Variants in CACNA1D observed in about 807,000 individuals in gnomAD.
CACNA1D encodes the protein calcium voltage-gated channel subunit alpha1 D, also known as voltage-dependent L-type calcium channel subunit alpha-1D.
In CACNA1D, 55 loss-of-function variants were observed where a neutral mutation model predicts 257.1. The ratio of observed to expected loss-of-function variants is 0.21; its 90% CI spans 0.17 to 0.27. CACNA1D has a LOEUF of 0.27. CACNA1D is among the 10% of genes least tolerant of loss of function. The pLI, the probability that CACNA1D is intolerant of heterozygous loss-of-function variation, is 1.00. For synonymous variants in CACNA1D, 980 were observed against 1,014.9 expected, an observed-to-expected ratio of 0.97 and a Z score of 0.65; for missense variants, 1,876 against 2,784.0, an observed-to-expected ratio of 0.67 and a Z score of 7.34.
At chr3:53,667,636 T>C (rs1337378552) in intron 7 of CACNA1D, among the ~76,000 whole-genome samples, 1 of 152,240 alleles carries the variant, frequency 6.6e-6, no homozygotes, top group Non-Finnish European at 1.5e-5. Context: ...AAATAGGTTT[T>C]TGCTGCCCTT....
At chr3:53,564,932 G>C (rs2092807632) in intron 3 of CACNA1D, among the ~76,000 whole-genome samples, 1 of 152,122 alleles carries the variant, frequency 6.6e-6, no homozygotes, top group African/African-American at 2.4e-5. Flanking sequence ...TTTTTTGTTT[G>C]TTTGTTTTTG....
chr3:53,746,243 C>T (rs2095167987), intron 25 of CACNA1D, among the ~76,000 whole-genome samples: 1 of 152,134 alleles, frequency 6.6e-6, no homozygotes, highest in African/African-American at 2.4e-5. Flanking sequence ...AAATAGCTTC[C>T]ATGACAGCCA....
intron 9 of CACNA1D, among the ~76,000 whole-genome samples, chr3:53,716,355 C>T (rs558767780): frequency 3.9e-5 from 6 of 152,328 alleles, no homozygotes; most frequent in East Asian, 3.9e-4. Flanking sequence ...GTAACCACCA[C>T]GGAAAATGCC....
At chr3:53,565,241 G>T (rs2107657104) in intron 3 of CACNA1D, among the ~76,000 whole-genome samples, 1 of 152,168 alleles carries the variant, frequency 6.6e-6, no homozygotes, top group East Asian at 1.9e-4. Context: ...AGTAAGTCAA[G>T]TCCTTCCATC....
At chr3:53,738,665 G>A (rs563109377) in intron 20 of CACNA1D, among the ~76,000 whole-genome samples, 14 of 152,102 alleles carry the variant, frequency 9.2e-5, no homozygotes, top group Non-Finnish European at 1.9e-4. Flanking sequence ...AAATGTTACC[G>A]TTCTGCTTAA....
chr3:53,691,760 CATATA>C (rs2094524361), intron 8 of CACNA1D, among the ~76,000 whole-genome samples: 1 of 38,448 alleles, frequency 2.6e-5, no homozygotes, highest in East Asian at 5.5e-4. Context: ...ATATATATTA[CATATA>C]ATATATATAT....
chr3:53,520,859 T>TTTCTTTCC (rs1186319658), intron 3 of CACNA1D, among the ~76,000 whole-genome samples: 5 of 74,818 alleles, frequency 6.7e-5, no homozygotes, highest in African/African-American at 3.8e-4. Flanking sequence ...CCTTTCTTTC[T>TTTCTTTCC]TTCTTTCTTT....
Position 53,801,687 on chromosome 3 carries a change from C to T in CACNA1D, c.5408+262C>T, listed in dbSNP as rs142957022. On this transcript the variant is annotated intron_variant, in intron 42 of 47. Coordinates refer to ENST00000350061, the MANE Select transcript of CACNA1D (RefSeq NM_001128840.3). ...AGGGACCTTAAAACAGCAGCAGCCA[C>T]AAAATCCACCTCTCAATTGTGCTCA... Among the ~76,000 whole-genome samples, 504 of 152,326 alleles carry T rather than the reference C, an allele frequency of 3.3e-3. 7 individuals carry two copies. Among genetic ancestry groups the T allele is most frequent in the African/African-American group, 0.011 (469 of 41,566 alleles).
At chr3:53,591,659 C>T (rs1478452752) in intron 3 of CACNA1D, among the ~76,000 whole-genome samples, 1 of 152,124 alleles carries the variant, frequency 6.6e-6, no homozygotes, top group African/African-American at 2.4e-5. Flanking sequence ...TCGATTTGCC[C>T]TAGTAATTGG....
In CACNA1D at chr3:53,751,348, T is replaced by C. The variant is rs1187874326; in HGVS notation, c.3517-401T>C. On this transcript the variant is annotated intron_variant, in intron 27 of 47. Coordinates refer to ENST00000350061, the MANE Select transcript of CACNA1D (RefSeq NM_001128840.3). The surrounding 1 kb of genome is among the most constrained non-coding windows in gnomAD (Gnocchi z 4.3). ...ACAGGCAGGGGAACTATAGGTGTGATCCACCTATAGATCCCCCGTATGTGT... is the reference window on the plus strand; with the variant it reads ...ACAGGCAGGGGAACTATAGGTGTGACCCACCTATAGATCCCCCGTATGTGT... Among the ~76,000 whole-genome samples the C allele has an allele frequency of 6.6e-6, 1 of 152,210 alleles. No homozygotes were observed. The highest frequency in any genetic ancestry group is 2.4e-5 in the African/African-American group (1 of 41,450).
At chr3:53,717,587 T>A (rs2094833126) in intron 9 of CACNA1D, among the ~76,000 whole-genome samples, 1 of 152,228 alleles carries the variant, frequency 6.6e-6, no homozygotes, top group South Asian at 2.1e-4. Context: ...ACCCTAGTCA[T>A]ACTGAGACCA....
chr3:53,800,160 G>A lies in CACNA1D; in HGVS notation c.4924-89G>A, dbSNP rs993098849. 5.5e-5 allele frequency: 51 copies of A among 924,686 alleles called. No homozygotes were observed. Among genetic ancestry groups the A allele is most frequent in the Non-Finnish European group, 8.0e-5 (44 of 552,026 alleles). 57.3% of individuals were successfully genotyped at this position (924,686 alleles called of 1,614,324 possible). On this transcript the variant is annotated intron_variant, in intron 40 of 47. Coordinates refer to ENST00000350061, the MANE Select transcript of CACNA1D (RefSeq NM_001128840.3). The surrounding 1 kb of genome is among the most constrained non-coding windows in gnomAD (Gnocchi z 4.3). ...TTTTGGGGAAGCCTTCCTCCCCACC[G>A]CTGAATCAGGAAGGAGCAAAGCCAG...
At chr3:53,618,728 C>T (rs1421171032) in intron 3 of CACNA1D, among the ~76,000 whole-genome samples, 1 of 152,154 alleles carries the variant, frequency 6.6e-6, no homozygotes, top group Non-Finnish European at 1.5e-5. Context: ...TGACTGTTTT[C>T]CTCCAAGAGT....
chr3:53,733,982 A>C (rs7431052), intron 19 of CACNA1D, among the ~76,000 whole-genome samples: 1 of 133,150 alleles, frequency 7.5e-6, no homozygotes, highest in Admixed American at 8.1e-5. Flanking sequence ...ATGTATATAT[A>C]TATACATATA....
At chr3:53,766,964 C>T (rs990681935) in intron 30 of CACNA1D, among the ~76,000 whole-genome samples, 2 of 152,178 alleles carry the variant, frequency 1.3e-5, no homozygotes, top group African/African-American at 4.8e-5. Flanking sequence ...CACTTGCGTT[C>T]CAGCTCCACC....
intron 3 of CACNA1D, among the ~76,000 whole-genome samples, chr3:53,616,968 C>T (rs1393545642): frequency 6.6e-6 from 1 of 152,036 alleles, no homozygotes; most frequent in Non-Finnish European, 1.5e-5. Context: ...GTAGTTGAGG[C>T]AGTTTGACTT....
chr3:53,720,480 G>A (rs901843273), intron 11 of CACNA1D, among the ~76,000 whole-genome samples: 3 of 152,088 alleles, frequency 2.0e-5, no homozygotes, highest in African/African-American at 7.2e-5. Flanking sequence ...CTTCAGACTT[G>A]GAGAAAAATA....
rs1445762433 is a variant in CACNA1D, at chr3:53,813,725, T to TAAGA, written c.*2322_*2325dup. ...TCATCGAATATTAAATTTTTCTTTG[T>TAAGA]AAGAAAAATTTGAAGTTGTAGAGCA... On this transcript the variant is annotated 3_prime_UTR_variant, in exon 48 of 48. Coordinates refer to ENST00000350061, the MANE Select transcript of CACNA1D (RefSeq NM_001128840.3). The TAAGA allele has an allele frequency of 2.0e-5, 3 of 152,242 alleles. No individual in the cohort carries two copies. Among genetic ancestry groups the TAAGA allele is most frequent in the African/African-American group, 4.8e-5 (2 of 41,458 alleles). The allele number at this position is 152,242 out of a possible 1,614,324, so 9.4% of individuals were successfully genotyped here. A position where few individuals can be genotyped will look rare whatever the true frequency, so the allele number is the denominator to read the frequency against.
chr3:53,783,599 C>A (rs1307138374), intron 39 of CACNA1D, among the ~76,000 whole-genome samples: 1 of 152,120 alleles, frequency 6.6e-6, no homozygotes, highest in African/African-American at 2.4e-5. Flanking sequence ...AGTGATGTGC[C>A]CAGTGCAGGG....
Sources: gnomAD v4.1 joint callset for allele counts (sites outside exome capture counted in the v4.1 genomes callset) on GRCh38, gnomAD v4.1.1 for gene constraint, Gnocchi (gnomAD v3.1) non-coding constraint, MANE v1.5 for transcripts, NCBI Gene and HGNC (gene_info 2026-07-23, HGNC 2026-07-21) for gene names.